Variants in GMCL1 observed in about 807,000 individuals in gnomAD.
The protein encoded by GMCL1 is germ cell-less protein-like 1.
Under a neutral mutation model 75.5 loss-of-function variants are expected in GMCL1, and 54 were observed. The observed-to-expected ratio is 0.71, with a 90% CI of 0.57 to 0.90. The LOEUF (loss-of-function observed/expected upper bound fraction) is 0.90, where lower values mean the gene tolerates loss of function less well. GMCL1 is among the 40% of genes least tolerant of loss of function. The probability of loss-of-function intolerance (pLI) is 0.00; values close to 1 mark genes in which losing one functional copy is unlikely to be tolerated. For missense variants in GMCL1, 537 were observed against 622.7 expected, an observed-to-expected ratio of 0.86 and a Z score of 1.47; for synonymous variants, 210 against 209.6, an observed-to-expected ratio of 1.00 and a Z score of -0.02.
At chr2:69,872,492 T>C (rs1676009238) in intron 13 of GMCL1, among the ~76,000 whole-genome samples, 1 of 152,220 alleles carries the variant, frequency 6.6e-6, no homozygotes, top group African/African-American at 2.4e-5. Flanking sequence ...TCAAAGCCTG[T>C]TATAGTTTAC....
chr2:69,872,014 A>G (rs575106028), intron 13 of GMCL1, among the ~76,000 whole-genome samples, 182 bp downstream of exon 13: 54 of 152,306 alleles, frequency 3.5e-4, no homozygotes, highest in Admixed American at 3.3e-3. Context: ...CCCCATCCCA[A>G]TGGAAGCATA....
In GMCL1 at chr2:69,845,468, G is replaced by A. The variant is rs1030741490; in HGVS notation, c.758+1272G>A. On this transcript the variant is annotated intron_variant, in intron 6 of 13. Coordinates refer to ENST00000282570, the MANE Select transcript of GMCL1 (RefSeq NM_178439.5). ...GCCTTTCTTTTTTAAAGAGATGGGG[G>A]CCTTGGTATGTTGCCCAGGCTAGAC... Among the ~76,000 whole-genome samples the A allele has an allele frequency of 5.9e-5, 9 of 152,304 alleles. No homozygotes were observed. The East Asian group carries it at 1.7e-3, about 29-fold the overall frequency.
intron 8 of GMCL1, among the ~76,000 whole-genome samples, chr2:69,850,704 ACT>A (rs777220934): frequency 2.0e-5 from 3 of 152,174 alleles, no homozygotes; most frequent in Non-Finnish European, 2.9e-5. Context: ...TAATAAGCTG[ACT>A]CTGAAAAAAT....
chr2:69,843,912 AAATG>A (rs1266545110), intron 5 of GMCL1, among the ~76,000 whole-genome samples: 2 of 152,166 alleles, frequency 1.3e-5, no homozygotes, highest in Non-Finnish European at 2.9e-5. Context: ...CACAAACTCA[AAATG>A]AAGTTTTAAA....
intron 13 of GMCL1, among the ~76,000 whole-genome samples, chr2:69,872,744 A>AT (rs1676017565): frequency 6.6e-6 from 1 of 152,222 alleles, no homozygotes; most frequent in Non-Finnish European, 1.5e-5. Flanking sequence ...ATAATGAGAA[A>AT]GTCCAAATCT....
intron 8 of GMCL1, among the ~76,000 whole-genome samples, chr2:69,854,023 T>C (rs1675394592): frequency 6.6e-6 from 1 of 152,128 alleles, no homozygotes; most frequent in Non-Finnish European, 1.5e-5. Flanking sequence ...CAGGCTGATC[T>C]TGAACTCCTG....
intron 13 of GMCL1, among the ~76,000 whole-genome samples, chr2:69,872,609 C>T (rs1028285384): frequency 1.3e-5 from 2 of 152,144 alleles, no homozygotes; most frequent in Non-Finnish European, 2.9e-5. Flanking sequence ...CTCACATGCC[C>T]TATATGAGAA....
intron 1 of GMCL1, among the ~76,000 whole-genome samples, chr2:69,836,443 G>A (rs72895248): frequency 0.078 from 11,899 of 152,222 alleles, 1,203 homozygotes; most frequent in Admixed American, 0.23. Context: ...ATCATAACGA[G>A]TGAAGTGGAT....
chr2:69,878,831 G>C, intron 13 of GMCL1, 78 bp from the exon 14 acceptor site: 1 of 932,332 alleles, frequency 1.1e-6, no homozygotes, highest in South Asian at 1.3e-5. Flanking sequence ...TATCTCCTTT[G>C]GTTCACTCAG....
At chr2:69,845,461 G>C (rs999217453) in intron 6 of GMCL1, among the ~76,000 whole-genome samples, 2 of 152,208 alleles carry the variant, frequency 1.3e-5, no homozygotes, top group Non-Finnish European at 2.9e-5. Context: ...TTTTTAAAGA[G>C]ATGGGGGCCT....
chr2:69,875,946 T>TC (rs1676118347), intron 13 of GMCL1, among the ~76,000 whole-genome samples: 1 of 152,216 alleles, frequency 6.6e-6, no homozygotes, highest in Non-Finnish European at 1.5e-5. Context: ...CACCTCAGGC[T>TC]CCCAAAGTGC....
intron 1 of GMCL1, among the ~76,000 whole-genome samples, chr2:69,831,033 C>A (rs1674657075): frequency 6.6e-6 from 1 of 152,262 alleles, no homozygotes; most frequent in African/African-American, 2.4e-5. Context: ...ATTCTTGTGC[C>A]TCAGCCTCCC....
chr2:69,848,989 AG>A lies in GMCL1; in HGVS notation c.844-662del, dbSNP rs766287126. 8.3e-4 allele frequency among the ~76,000 whole-genome samples: 127 copies of A among 152,256 alleles called. 1 individual carries two copies. The highest frequency in any genetic ancestry group is 1.4e-3 in the Non-Finnish European group (97 of 68,024). ...ATTTCTTGCTTTTATAATCTCATAT[AG>A]TATTTAGTGAAATTGAGTTGTTAGT... is the stretch of plus-strand genomic sequence containing the variant. On this transcript the variant is annotated intron_variant, in intron 7 of 13. Transcript: ENST00000282570.
rs1676234887 is a variant in GMCL1 at position 69,879,992 on chromosome 2, A to G, written c.*988A>G. ...AATAGAAATTTCATAGTAAATGTAA[A>G]TAAGGTCAGAGGATGTAATATGGAG... On this transcript the variant is annotated 3_prime_UTR_variant, in exon 14 of 14. Transcript: ENST00000282570. The G allele has an allele frequency of 6.6e-6, 1 of 152,216 alleles. No individual in the cohort carries two copies. The highest frequency in any genetic ancestry group is 1.5e-5 in the Non-Finnish European group (1 of 68,026). The allele number at this position is 152,216 out of a possible 1,614,324, so 9.4% of individuals were successfully genotyped here. A position where few individuals can be genotyped will look rare whatever the true frequency, so the allele number is the denominator to read the frequency against.
chr2:69,870,553 G>A (rs1398462252), intron 12 of GMCL1, among the ~76,000 whole-genome samples: 2 of 152,098 alleles, frequency 1.3e-5, no homozygotes, highest in African/African-American at 2.4e-5. Flanking sequence ...AGAGGACAGT[G>A]TCAAGACAGT....
chr2:69,871,772 T>C lies in GMCL1; in HGVS notation c.1392T>C (p.Ser464=), dbSNP rs1438691149. 1.3e-6 allele frequency: 2 copies of C among 1,585,576 alleles called. No homozygotes were observed. Among genetic ancestry groups the C allele is most frequent in the Admixed American group, 3.5e-5 (2 of 56,998 alleles). The part of the protein sequence containing the change: ...FRLRLASFDS[S]GKLICSRTTG... Reference sequence around the variant, plus strand: ...TACGTTTGGCTTCTTTTGATAGTAGTGGAAAACTAATATGTAGTAGAACAA... The same window carrying C: ...TACGTTTGGCTTCTTTTGATAGTAGCGGAAAACTAATATGTAGTAGAACAA... The change falls in exon 13 of 14, where the codon AGT becomes AGC. Residue 464 remains serine (S), a synonymous_variant. Transcript: ENST00000282570.
chr2:69,857,997 T>A lies in GMCL1; in HGVS notation c.1072+3037T>A, dbSNP rs75522755. Among the ~76,000 whole-genome samples, 851 of 152,346 alleles carry A rather than the reference T, an allele frequency of 5.6e-3. 12 individuals carry two copies. Among genetic ancestry groups the A allele is most frequent in the African/African-American group, 0.02 (818 of 41,590 alleles). On this transcript the variant is annotated intron_variant, in intron 9 of 13. Coordinates refer to ENST00000282570, the MANE Select transcript of GMCL1 (RefSeq NM_178439.5). ...TGGTTTTAGAGGGCCCTTTCCCATATTCTTTGTGTAAAACTAGGGAAATAA... is the reference window on the plus strand; with the variant it reads ...TGGTTTTAGAGGGCCCTTTCCCATAATCTTTGTGTAAAACTAGGGAAATAA...
intron 8 of GMCL1, among the ~76,000 whole-genome samples, chr2:69,852,571 T>C (rs1351975289): frequency 1.3e-5 from 2 of 151,904 alleles, no homozygotes; most frequent in Non-Finnish European, 2.9e-5. Context: ...AGAGTCTTGC[T>C]CTGTCACCCA....
chr2:69,844,397 A>G (rs7575111), intron 6 of GMCL1: 61,268 of 379,380 alleles, frequency 0.16, 5,744 homozygotes, highest in Non-Finnish European at 0.19. Flanking sequence ...AATGGATATT[A>G]TGTCTACTGT....
Sources: allele counts gnomAD v4.1 joint callset (sites outside exome capture counted in the v4.1 genomes callset), GRCh38; gene constraint gnomAD v4.1.1; transcripts MANE v1.5; gene names NCBI Gene and HGNC (gene_info 2026-07-23, HGNC 2026-07-21).